Variants in PHACTR3 observed in about 807,000 individuals in gnomAD.
PHACTR3 encodes the protein phosphatase and actin regulator 3.
A neutral mutation model predicts 66.8 loss-of-function variants in PHACTR3; 16 were observed. That is an observed-to-expected ratio of 0.24 (90% CI 0.16 to 0.36). PHACTR3 has a LOEUF of 0.36. Ranked by LOEUF, PHACTR3 falls within the 10% of genes least tolerant of loss-of-function variation. PHACTR3 has a pLI of 1.00. For missense variants in PHACTR3, 647 were observed against 719.9 expected (o/e 0.90, Z 1.16); for synonymous variants, 323 against 292.1 (o/e 1.11, Z -1.08).
intron 1 of PHACTR3, among the ~76,000 whole-genome samples, chr20:59,619,808 G>T (rs774232269): frequency 2.0e-5 from 3 of 152,310 alleles, no homozygotes; most frequent in African/African-American, 4.8e-5. Context: ...GGATCGTCCT[G>T]GTCACCTGGC....
At chr20:59,654,613 GC>G (rs2146458836) in intron 1 of PHACTR3, among the ~76,000 whole-genome samples, 1 of 152,150 alleles carries the variant, frequency 6.6e-6, no homozygotes, top group African/African-American at 2.4e-5. Flanking sequence ...ATGTGACCAA[GC>G]TTTTAAATTT....
intron 1 of PHACTR3, among the ~76,000 whole-genome samples, chr20:59,670,417 T>C (rs1039595798): frequency 4.6e-5 from 7 of 152,182 alleles, no homozygotes; most frequent in Admixed American, 2.0e-4. Flanking sequence ...ACCTCTCTTT[T>C]GTCCTGTGAG....
At chr20:59,655,450 A>G (rs1435823299) in intron 1 of PHACTR3, among the ~76,000 whole-genome samples, 2 of 151,952 alleles carry the variant, frequency 1.3e-5, no homozygotes, top group Non-Finnish European at 2.9e-5. Flanking sequence ...GCATGCAGTT[A>G]TTTATAGTAT....
intron 5 of PHACTR3, among the ~76,000 whole-genome samples, chr20:59,770,520 A>G (rs1418856266): frequency 6.6e-6 from 1 of 152,180 alleles, no homozygotes; most frequent in Non-Finnish European, 1.5e-5. Flanking sequence ...CATCTGAGTG[A>G]CTTATAAACC....
intron 1 of PHACTR3, among the ~76,000 whole-genome samples, chr20:59,606,042 T>C (rs2033657473): frequency 6.6e-6 from 1 of 152,232 alleles, no homozygotes; most frequent in Non-Finnish European, 1.5e-5. Flanking sequence ...GGACTCAGTT[T>C]TGTATCTTAG....
At chr20:59,692,320 G>A (rs780845885) in intron 1 of PHACTR3, among the ~76,000 whole-genome samples, 19 of 152,222 alleles carry the variant, frequency 1.2e-4, no homozygotes, top group Admixed American at 5.2e-4. Flanking sequence ...AAGGTCACCC[G>A]TGGTTCAGCT....
intron 1 of PHACTR3, among the ~76,000 whole-genome samples, chr20:59,618,121 G>A (rs772675770): frequency 1.3e-5 from 2 of 152,236 alleles, no homozygotes; most frequent in Non-Finnish European, 2.9e-5. Context: ...GCAGGAAAGG[G>A]AAAGGTATGC....
chr20:59,681,258 C>T lies in PHACTR3; in HGVS notation c.119-61849C>T, dbSNP rs550974739. Reference sequence around the variant, plus strand: ...CTGTGGGCTGGCTGTCTTGGAGATTCCACACGTACACACATGTGCACATGT... The same window carrying T: ...CTGTGGGCTGGCTGTCTTGGAGATTTCACACGTACACACATGTGCACATGT... On this transcript the variant is annotated intron_variant, in intron 1 of 12. Coordinates refer to ENST00000371015, the MANE Select transcript of PHACTR3 (RefSeq NM_080672.5). Among the ~76,000 whole-genome samples, 138 of 152,270 alleles carry T rather than the reference C, an allele frequency of 9.1e-4. 1 individual carries two copies. In the Middle Eastern group the frequency reaches 0.01, roughly 11 times the overall value.
At chr20:59,815,437 T>G (rs922088615) in intron 8 of PHACTR3, among the ~76,000 whole-genome samples, 7 of 149,828 alleles carry the variant, frequency 4.7e-5, no homozygotes, top group East Asian at 2.0e-4. Context: ...TTTTTGTTTT[T>G]TTTTTTGAGA....
At chr20:59,845,476 C>T (rs1568881679) in intron 12 of PHACTR3, among the ~76,000 whole-genome samples, 1 of 152,076 alleles carries the variant, frequency 6.6e-6, no homozygotes, top group Non-Finnish European at 1.5e-5. Flanking sequence ...TGTATGGTAA[C>T]AATATCGGTT....
chr20:59,753,644 C>A (rs1043956059), intron 3 of PHACTR3, among the ~76,000 whole-genome samples: 3 of 152,168 alleles, frequency 2.0e-5, no homozygotes, highest in African/African-American at 7.2e-5. Flanking sequence ...CATTCCATAC[C>A]CTAGCTCCGT....
chr20:59,609,849 T>C (rs1403867675), intron 1 of PHACTR3, among the ~76,000 whole-genome samples: 1 of 152,218 alleles, frequency 6.6e-6, no homozygotes, highest in African/African-American at 2.4e-5. Context: ...TTCTTCAGGG[T>C]TATTAAAAAC....
intron 1 of PHACTR3, among the ~76,000 whole-genome samples, chr20:59,663,665 G>T (rs1474847493): frequency 2.0e-5 from 3 of 152,188 alleles, no homozygotes. Flanking sequence ...TGACGATGCC[G>T]CGTGCAGGAG....
chr20:59,831,242 C>T (rs925297723), intron 8 of PHACTR3, among the ~76,000 whole-genome samples: 1 of 152,152 alleles, frequency 6.6e-6, no homozygotes, highest in African/African-American at 2.4e-5. Context: ...GTGTTGTGCT[C>T]GATACCTTTA....
intron 7 of PHACTR3, among the ~76,000 whole-genome samples, chr20:59,784,960 C>G (rs1021160668): frequency 6.8e-6 from 1 of 146,604 alleles, no homozygotes; most frequent in Non-Finnish European, 1.5e-5. Context: ...GAGTGCAGAC[C>G]TGATGCCGTC....
In PHACTR3 at chr20:59,738,171, GGGGATGCAGGGA is replaced by G. The variant is rs1408314623; in HGVS notation, c.119-4934_119-4923del. Among the ~76,000 whole-genome samples the G allele has an allele frequency of 6.6e-6, 1 of 152,098 alleles. No homozygotes were observed. The highest frequency in any genetic ancestry group is 1.5e-5 in the Non-Finnish European group (1 of 68,018). On this transcript the variant is annotated intron_variant, in intron 1 of 12. Transcript: ENST00000371015. The surrounding 1 kb of genome is among the most constrained non-coding windows in gnomAD (Gnocchi z 4.4). The stretch of plus-strand genomic sequence containing the variant: ...TACCCCCCAGCAAGGCCCTGGCAAA[GGGGATGCAGGGA>G]GTCAATGCTTCAACCTCCTGTTAGT...
intron 1 of PHACTR3, among the ~76,000 whole-genome samples, chr20:59,692,279 T>C (rs951050176): frequency 2.0e-5 from 3 of 152,174 alleles, no homozygotes; most frequent in Non-Finnish European, 4.4e-5. Context: ...TGGCCTAGAA[T>C]GGTAATAAAT....
At chr20:59,693,061 C>T (rs1228076222) in intron 1 of PHACTR3, among the ~76,000 whole-genome samples, 1 of 152,132 alleles carries the variant, frequency 6.6e-6, no homozygotes, top group Non-Finnish European at 1.5e-5. Flanking sequence ...GTCACATTAC[C>T]GTCATGACCA....
intron 1 of PHACTR3, among the ~76,000 whole-genome samples, chr20:59,732,551 G>C (rs1437786854): frequency 6.6e-6 from 1 of 152,074 alleles, no homozygotes; most frequent in Non-Finnish European, 1.5e-5. Flanking sequence ...GTGCTTCTTA[G>C]CACCTCCACT....
Sources: allele counts gnomAD v4.1 joint callset (sites outside exome capture counted in the v4.1 genomes callset), GRCh38; gene constraint gnomAD v4.1.1; non-coding constraint Gnocchi (gnomAD v3.1); transcripts MANE v1.5; gene names NCBI Gene and HGNC (gene_info 2026-07-23, HGNC 2026-07-21).